The following AMMECR1 variants were observed in gnomAD, a reference collection of about 807,000 sequenced individuals.
AMMECR1 encodes the protein nuclear protein AMMECR1.
AMMECR1 carries 3 observed loss-of-function variants against 22.5 expected under a neutral mutation model. That is an observed-to-expected ratio of 0.13 (90% CI 0.06 to 0.35). The LOEUF is 0.35. Among genes scored for constraint, AMMECR1 ranks in the 10% least tolerant of loss-of-function variants. AMMECR1 has a pLI of 1.00. For synonymous variants in AMMECR1, 130 were observed against 116.7 expected (o/e 1.11, Z -0.74); for missense variants, 235 against 278.7 (o/e 0.84, Z 1.12).
chrX:110,350,833 A>T (rs1190556103), intron 2 of AMMECR1, among the ~76,000 whole-genome samples: 1 of 110,021 alleles, frequency 9.1e-6, no homozygotes, highest in African/African-American at 3.3e-5. Flanking sequence ...TTAGCTGGGC[A>T]TGGTGGCACG....
chrX:110,324,197 A>G (rs2068089304), intron 2 of AMMECR1, among the ~76,000 whole-genome samples: 1 of 110,339 alleles, frequency 9.1e-6, no homozygotes, highest in Non-Finnish European at 1.9e-5. Context: ...AGGTTTCACC[A>G]TATTGGCCAG....
intron 2 of AMMECR1, among the ~76,000 whole-genome samples, chrX:110,387,976 C>G (rs759608942): frequency 2.8e-5 from 3 of 108,469 alleles, no homozygotes; most frequent in Admixed American, 9.8e-5. Context: ...ATTCTCCTGC[C>G]TCAGCCTCCC....
chrX:110,289,763 C>G (rs2067898630), intron 1 of AMMECR1, among the ~76,000 whole-genome samples: 1 of 112,112 alleles, frequency 8.9e-6, no homozygotes, highest in Admixed American at 9.4e-5. Flanking sequence ...GTTGACAGTG[C>G]TCTTCAATAC....
At chrX:110,227,582 C>T (rs778607381) in intron 2 of AMMECR1, among the ~76,000 whole-genome samples, 3 of 111,763 alleles carry the variant, frequency 2.7e-5, no homozygotes, top group East Asian at 2.8e-4. Flanking sequence ...CTTTTGTATG[C>T]GCTCCTCTTT....
chrX:110,435,792 G>C (rs2068834918), intron 1 of AMMECR1, among the ~76,000 whole-genome samples: 1 of 111,975 alleles, frequency 8.9e-6, no homozygotes, highest in South Asian at 3.7e-4. Context: ...TATAAACCCT[G>C]TTTATATATA....
chrX:110,353,471 A>G (rs2068218772), intron 2 of AMMECR1, among the ~76,000 whole-genome samples: 1 of 111,421 alleles, frequency 9.0e-6, no homozygotes, highest in Non-Finnish European at 1.9e-5. Context: ...TCCTACGACT[A>G]CTTTTGCTGC....
intron 2 of AMMECR1, among the ~76,000 whole-genome samples, chrX:110,340,173 G>A (rs1430702552): frequency 9.0e-6 from 1 of 111,067 alleles, no homozygotes. Flanking sequence ...TGATGATGAC[G>A]ATGATGACGA....
chrX:110,204,817 C>T (rs908664539), intron 3 of AMMECR1, among the ~76,000 whole-genome samples: 10 of 111,402 alleles, frequency 9.0e-5, no homozygotes, highest in African/African-American at 6.5e-5. Context: ...AAATTACTCA[C>T]GAATAAGACT....
rs761975642 is a variant in AMMECR1, at chrX:110,385,571, T to C, written c.-148+41087A>G. 7.1e-5 allele frequency among the ~76,000 whole-genome samples: 8 copies of C among 112,096 alleles called. No homozygotes were observed. The South Asian group carries it at 3.0e-3, about 42-fold the overall frequency. On this transcript the variant is annotated intron_variant, in intron 2 of 7. Transcript: ENST00000372057. ...ATCACTAACCTACTTTCTGTCTGTA[T>C]AGATTTGCCTCTTCTGGACATTTTA...
intron 3 of AMMECR1, among the ~76,000 whole-genome samples, chrX:110,202,868 A>G (rs1027218553): frequency 1.8e-4 from 20 of 111,768 alleles, no homozygotes; most frequent in African/African-American, 6.5e-4. Flanking sequence ...TCATGCCAAT[A>G]AAGAACTAGA....
intron 2 of AMMECR1, among the ~76,000 whole-genome samples, chrX:110,376,613 C>T (rs1376208793): frequency 8.9e-6 from 1 of 112,240 alleles, no homozygotes; most frequent in Non-Finnish European, 1.9e-5. Context: ...AGCACCAACA[C>T]TCAGAAGAAA....
rs774266380 is a variant in AMMECR1, at chrX:110,349,704, T to G, written c.-147-31855A>C. ...TTTTTATACTGTTCTTAGTACTTTT[T>G]GTATATAATAATTCATTTATTCCTC... On this transcript the variant is annotated intron_variant, in intron 2 of 7. Coordinates refer to the AMMECR1 transcript ENST00000372057. Among the ~76,000 whole-genome samples the G allele has an allele frequency of 2.7e-5, 3 of 112,196 alleles. No individual in the cohort carries two copies. In the South Asian group the frequency reaches 1.1e-3, roughly 42 times the overall value.
intron 1 of AMMECR1, among the ~76,000 whole-genome samples, chrX:110,300,948 A>C (rs1325952647): frequency 8.9e-6 from 1 of 111,758 alleles, no homozygotes; most frequent in Non-Finnish European, 1.9e-5. Flanking sequence ...AACTGATTTA[A>C]AGTTTCATCT....
At chrX:110,202,859 C>A (rs761337287) in intron 3 of AMMECR1, among the ~76,000 whole-genome samples, 1 of 111,563 alleles carries the variant, frequency 9.0e-6, no homozygotes, top group Non-Finnish European at 1.9e-5. Context: ...AATTGTAGCT[C>A]ATGCCAATAA....
intron 2 of AMMECR1, among the ~76,000 whole-genome samples, chrX:110,377,882 C>G (rs1247501613): frequency 1.9e-5 from 2 of 107,479 alleles, no homozygotes; most frequent in Non-Finnish European, 1.9e-5. Flanking sequence ...GGTAGCGGGC[C>G]CCTGTAGTCC....
intron 1 of AMMECR1, among the ~76,000 whole-genome samples, chrX:110,315,502 G>A (rs1183914808): frequency 8.9e-6 from 1 of 112,072 alleles, no homozygotes. Flanking sequence ...AGAAATCCAG[G>A]GGCTGGGGTG....
At chrX:110,328,683 T>C (rs967227568) in intron 2 of AMMECR1, among the ~76,000 whole-genome samples, 2 of 108,897 alleles carry the variant, frequency 1.8e-5, no homozygotes, top group South Asian at 4.1e-4. Context: ...GTTCTCATTG[T>C]TCAACTCCCA....
At chrX:110,432,488 C>T (rs1249455473) in intron 1 of AMMECR1, among the ~76,000 whole-genome samples, 2 of 112,104 alleles carry the variant, frequency 1.8e-5, no homozygotes, top group Admixed American at 1.9e-4. Flanking sequence ...TAATTAGCCC[C>T]AGCTGCTGTT....
intron 2 of AMMECR1, among the ~76,000 whole-genome samples, chrX:110,247,131 T>G (rs773917098): frequency 8.9e-6 from 1 of 112,623 alleles, no homozygotes; most frequent in Admixed American, 9.4e-5. Flanking sequence ...AACTACATCA[T>G]TAATTTGCCA....
Sources: gnomAD v4.1 joint callset for allele counts (sites outside exome capture counted in the v4.1 genomes callset) on GRCh38, gnomAD v4.1.1 for gene constraint, MANE v1.5 for transcripts, NCBI Gene and HGNC (gene_info 2026-07-23, HGNC 2026-07-21) for gene names.